The following FNIP1 variants were observed in gnomAD, a reference collection of about 807,000 sequenced individuals.
The protein encoded by FNIP1 is folliculin-interacting protein 1.
A neutral mutation model predicts 124.5 loss-of-function variants in FNIP1; 40 were observed. The ratio of observed to expected loss-of-function variants is 0.32; its 90% CI spans 0.25 to 0.42. The LOEUF (loss-of-function observed/expected upper bound fraction) is 0.42, where lower values mean the gene tolerates loss of function less well. Among genes scored for constraint, FNIP1 ranks in the 10% least tolerant of loss-of-function variants. The pLI is 1.00. For synonymous variants in FNIP1, 472 were observed against 470.6 expected (o/e 1.00, Z -0.04); for missense variants, 1,176 against 1,403.7 (o/e 0.84, Z 2.59).
rs193244263 is a variant in FNIP1, at chr5:131,659,249, C to T, written c.3109-7250G>A. 1.1e-3 allele frequency among the ~76,000 whole-genome samples: 160 copies of T among 152,238 alleles called. 1 individual carries two copies. The highest frequency in any genetic ancestry group is 3.7e-3 in the African/African-American group (152 of 41,544). ...CACTGTGTTGGTGTACAGGTCTTTG[C>T]GGATGTCCATGTCACATTTCATGAT... On this transcript the variant is annotated intron_variant, in intron 15 of 17. Coordinates refer to ENST00000510461, the MANE Select transcript of FNIP1 (RefSeq NM_133372.3).
rs768330551 is a variant in FNIP1, at chr5:131,704,187, T to C, written c.994A>G (p.Ile332Val). 3 of 1,613,522 alleles carry C rather than the reference T, an allele frequency of 1.9e-6. No individual in the cohort carries two copies. The highest frequency in any genetic ancestry group is 1.7e-6 in the Non-Finnish European group (2 of 1,179,548). ...PGIVRKKKIA[I>V]GVIFSLSKDE... ...TTGGACAATGAAAAGATTACCCCAATTGCAATCTTCTTTTTCCGCACAATT... is the reference window on the plus strand; with the variant it reads ...TTGGACAATGAAAAGATTACCCCAACTGCAATCTTCTTTTTCCGCACAATT... Residue 332 changes from isoleucine to valine, a missense_variant, in exon 10 of 18, where the codon ATT becomes GTT. Ile to Val is a conservative substitution (Grantham distance 29, BLOSUM62 3). Coordinates refer to ENST00000510461, the MANE Select transcript of FNIP1 (RefSeq NM_133372.3).
chr5:131,757,388 T>C (rs1215974482), intron 1 of FNIP1, among the ~76,000 whole-genome samples: 5 of 152,198 alleles, frequency 3.3e-5, no homozygotes, highest in African/African-American at 1.2e-4. Flanking sequence ...CAGCCAAGTG[T>C]CAGAGTTCTT....
chr5:131,698,919 G>C lies in FNIP1; in HGVS notation c.1200C>G (p.Phe400Leu). 6.2e-7 allele frequency: 1 copy of C among 1,605,842 alleles called. No homozygotes were observed. The highest frequency in any genetic ancestry group is 8.5e-7 in the Non-Finnish European group (1 of 1,177,014). ...ATGGAAAGCTGGGCAATATGTACCT[G>C]AATTCATTTAGGGCATCAACTATTC... The part of the protein sequence containing the change: ...YNRIVDALNE[F>L]RTTICNLYTM... The change falls in exon 11 of 18, where the codon TTC (phenylalanine) becomes TTG (leucine). Residue 400 changes from phenylalanine to leucine, a missense_variant and splice_region_variant. Coordinates refer to ENST00000510461, the MANE Select transcript of FNIP1 (RefSeq NM_133372.3).
intron 1 of FNIP1, among the ~76,000 whole-genome samples, chr5:131,783,431 G>A (rs1460371114): frequency 2.7e-5 from 4 of 149,980 alleles, no homozygotes; most frequent in African/African-American, 9.8e-5. Context: ...CAGAAATTAG[G>A]AGAGGAAAAA....
Position 131,796,851 on chromosome 5 carries a change from C to T in FNIP1, c.71G>A (p.Arg24Gln). Reference protein sequence around the residue: ...TGLGAPGRDARDPDCGFSWPL... With the variant: ...TGLGAPGRDAQDPDCGFSWPL... ...CTACCTGAACCCGCAATCTGGGTCC[C>T]GGGCGTCGCGGCCGGGCGCGCCCAG... is the stretch of plus-strand genomic sequence containing the variant. Residue 24 changes from arginine to glutamine, a missense_variant, in exon 1 of 18, where the codon CGG becomes CAG. Arg to Gln is a conservative substitution (Grantham distance 43). This residue lies in a region of FNIP1 where 1,109 missense variants were observed against 1,288.5 expected (regional missense o/e 0.86). Transcript: ENST00000510461. 1.2e-6 allele frequency: 2 copies of T among 1,601,198 alleles called. No homozygotes were observed. The highest frequency in any genetic ancestry group is 1.3e-5 in the African/African-American group (1 of 74,820).
chr5:131,741,015 T>C (rs1003970525), intron 2 of FNIP1, among the ~76,000 whole-genome samples: 1 of 152,218 alleles, frequency 6.6e-6, no homozygotes, highest in Non-Finnish European at 1.5e-5. Flanking sequence ...ATCCACCCCT[T>C]GTTTAGCATA....
chr5:131,646,973 G>T, intron 17 of FNIP1, 117 bp downstream of exon 17: 2 of 817,072 alleles, frequency 2.4e-6, no homozygotes, highest in Non-Finnish European at 4.1e-6. Flanking sequence ...AATGATAACA[G>T]CCTCCAGCTT....
At chr5:131,685,751 G>A (rs1028534502) in intron 11 of FNIP1, among the ~76,000 whole-genome samples, 21 of 151,534 alleles carry the variant, frequency 1.4e-4, no homozygotes, top group African/African-American at 4.1e-4. Context: ...ACTGCACCTC[G>A]CTCCTTAAGA....
At chr5:131,749,961 T>G (rs1770814375) in intron 1 of FNIP1, among the ~76,000 whole-genome samples, 1 of 152,120 alleles carries the variant, frequency 6.6e-6, no homozygotes, top group African/African-American at 2.4e-5. Flanking sequence ...CAGAGCCCCA[T>G]CATTCACTGG....
At chr5:131,744,759 T>C (rs1182563254) in intron 1 of FNIP1, 69 bp from the exon 2 acceptor site, 3 of 1,311,344 alleles carry the variant, frequency 2.3e-6, no homozygotes, top group Non-Finnish European at 3.0e-6. Context: ...ATATACATTA[T>C]TAGAAATAAA....
chr5:131,713,069 T>C (rs563600864), intron 6 of FNIP1, among the ~76,000 whole-genome samples: 94 of 152,326 alleles, frequency 6.2e-4, no homozygotes, highest in Admixed American at 1.6e-3. Flanking sequence ...TACCCCTTTT[T>C]TTTTTGAGAC....
chr5:131,738,226 T>C (rs374564947), intron 2 of FNIP1, among the ~76,000 whole-genome samples: 4 of 152,302 alleles, frequency 2.6e-5, no homozygotes, highest in African/African-American at 9.6e-5. Context: ...TATAAACGTA[T>C]GATTTTATTA....
intron 13 of FNIP1, among the ~76,000 whole-genome samples, chr5:131,675,960 G>C (rs1767896698): frequency 6.6e-6 from 1 of 151,940 alleles, no homozygotes; most frequent in African/African-American, 2.4e-5. Context: ...CCAGGTTCAA[G>C]GGATTCTCCT....
intron 11 of FNIP1, among the ~76,000 whole-genome samples, chr5:131,693,230 T>C (rs183751836): frequency 8.0e-4 from 112 of 139,924 alleles, no homozygotes; most frequent in African/African-American, 2.9e-3. Flanking sequence ...TTTTATACAC[T>C]ATAAAGATAC....
At chr5:131,722,778 T>G (rs1447920009) in intron 3 of FNIP1, among the ~76,000 whole-genome samples, 1 of 152,158 alleles carries the variant, frequency 6.6e-6, no homozygotes. Context: ...CTCCGCCTCC[T>G]GGGTTCAAGC....
chr5:131,730,711 C>T (rs906596105), intron 3 of FNIP1, among the ~76,000 whole-genome samples, 193 bp downstream of exon 3: 1 of 152,240 alleles, frequency 6.6e-6, no homozygotes, highest in Non-Finnish European at 1.5e-5. Flanking sequence ...GCAATCTATG[C>T]CTATAGCTTT....
At chr5:131,716,785 T>C (rs189866777) in intron 5 of FNIP1, 129 bp from the exon 6 acceptor site, 21 of 563,102 alleles carry the variant, frequency 3.7e-5, no homozygotes, top group Non-Finnish European at 2.2e-5. Flanking sequence ...TTAACTAACA[T>C]AATCATTTAA....
intron 11 of FNIP1, among the ~76,000 whole-genome samples, chr5:131,684,291 G>A (rs907728857): frequency 6.6e-6 from 1 of 152,156 alleles, no homozygotes; most frequent in African/African-American, 2.4e-5. Flanking sequence ...CTTTGCACAT[G>A]TAAACAAATT....
intron 10 of FNIP1, among the ~76,000 whole-genome samples, chr5:131,701,070 G>A (rs1460695012): frequency 6.6e-6 from 1 of 152,168 alleles, no homozygotes; most frequent in Non-Finnish European, 1.5e-5. Flanking sequence ...AAGTGAGCGA[G>A]CATTACTGCC....
Sources: gnomAD v4.1 joint callset for allele counts (sites outside exome capture counted in the v4.1 genomes callset) on GRCh38, gnomAD v4.1.1 for gene constraint, gnomAD v4.1.1 regional missense constraint, MANE v1.5 for transcripts, NCBI Gene and HGNC (gene_info 2026-07-23, HGNC 2026-07-21) for gene names.